Variants in ZNF207 observed in about 807,000 individuals in gnomAD.
The protein encoded by ZNF207 is zinc finger protein 207.
Under a neutral mutation model 60.2 loss-of-function variants are expected in ZNF207, and 24 were observed. The observed-to-expected ratio is 0.40, with a 90% CI of 0.29 to 0.56. ZNF207 has a LOEUF of 0.56. Among genes scored for constraint, ZNF207 ranks in the 20% least tolerant of loss-of-function variants. The probability of loss-of-function intolerance (pLI) is 0.49; values close to 1 mark genes in which losing one functional copy is unlikely to be tolerated. For synonymous variants in ZNF207, 236 were observed against 194.7 expected (o/e 1.21, Z -1.77); for missense variants, 452 against 636.6 (o/e 0.71, Z 3.12).
intron 1 of ZNF207, chr17:32,350,992 T>C (rs1476573203): frequency 6.6e-6 from 1 of 152,634 alleles, no homozygotes; most frequent in Non-Finnish European, 1.5e-5. Context: ...TTAGGAAAAC[T>C]CTTACTACAG....
chr17:32,362,429 C>G (rs1904941903), intron 6 of ZNF207, among the ~76,000 whole-genome samples: 1 of 152,166 alleles, frequency 6.6e-6, no homozygotes, highest in South Asian at 2.1e-4. Flanking sequence ...CTCAAAACTT[C>G]TGGGATTATA....
chr17:32,366,422 A>G (rs1055375311), intron 8 of ZNF207, among the ~76,000 whole-genome samples: 15 of 149,920 alleles, frequency 1.0e-4, no homozygotes, highest in African/African-American at 3.3e-4. Context: ...AATGCAAAAC[A>G]GTAGTTTTAG....
At chr17:32,369,208 A>G (rs924252736) in intron 10 of ZNF207, 87 bp from the exon 11 acceptor site, 1 of 1,479,584 alleles carries the variant, frequency 6.8e-7, no homozygotes, top group Non-Finnish European at 9.2e-7. Context: ...AATTACTCTT[A>G]ACGTTGTAAG....
intron 7 of ZNF207, among the ~76,000 whole-genome samples, chr17:32,364,443 C>T (rs1052387345): frequency 6.6e-6 from 1 of 151,004 alleles, no homozygotes; most frequent in Non-Finnish European, 1.5e-5. Context: ...CCACAACATC[C>T]GCCTCCTGGG....
intron 6 of ZNF207, among the ~76,000 whole-genome samples, chr17:32,362,384 A>G (rs749992735): frequency 3.3e-5 from 5 of 151,754 alleles, no homozygotes; most frequent in Non-Finnish European, 7.4e-5. Context: ...CCTGGTTTGA[A>G]CTCCTGAGTT....
Position 32,369,684 on chromosome 17 carries a change from C to T in ZNF207, c.1410C>T (p.Pro470=). 6.3e-7 allele frequency: 1 copy of T among 1,598,568 alleles called. No homozygotes were observed. Among genetic ancestry groups the T allele is most frequent in the Non-Finnish European group, 8.5e-7 (1 of 1,173,244 alleles). Residue 470 remains proline (P), a synonymous_variant, in exon 12 of 12, where the codon CCC becomes CCT. Transcript: ENST00000394670. ...PPYGQGPPMV[P]PYQGGPPRPP... is the part of the protein sequence containing the mutation. ...ATGGGCAGGGACCGCCAATGGTGCC[C>T]CCTTACCAGGGTGGGCCTCCTCGAC... is the stretch of plus-strand genomic sequence containing the variant.
chr17:32,375,505 A>G lies in ZNF207; in HGVS notation c.*5746A>G, dbSNP rs1307038776. 3.3e-5 allele frequency: 5 copies of G among 151,648 alleles called. No homozygotes were observed. The highest frequency in any genetic ancestry group is 1.3e-4 in the Admixed American group (2 of 15,258). The allele number at this position is 151,648 out of a possible 1,614,324, so 9.4% of individuals were successfully genotyped here. On this transcript the variant is annotated 3_prime_UTR_variant, in exon 12 of 12. Transcript: ENST00000394670. ...AAGGTAATATCTATAGATAACTAAG[A>G]TAGTTCCTTTTTTTTTGTAGTTCTG...
At position 32,350,395 on chromosome 17, in the gene ZNF207, C is replaced by T. The variant is rs1597746863; in HGVS notation, c.41+69C>T. On this transcript the variant is annotated intron_variant, in intron 1 of 11. Coordinates refer to ENST00000394670, the MANE Select transcript of ZNF207 (RefSeq NM_001098507.2). ...GTTGTTGGGGCCTGGGACTAGGAGG[C>T]CTGGATTTGGCTTACGGCGTGGAGC... The T allele has an allele frequency of 1.7e-5, 27 of 1,602,108 alleles. No individual in the cohort carries two copies. In the Middle Eastern group the frequency reaches 5.7e-4, roughly 34 times the overall value.
At chr17:32,365,620 T>C (rs1905124984) in intron 8 of ZNF207, 133 bp downstream of exon 8, 1 of 814,376 alleles carries the variant, frequency 1.2e-6, no homozygotes, top group Admixed American at 4.2e-5. Context: ...TTAAATATAC[T>C]AAAAGGTGGC....
chr17:32,367,931 G>T lies in ZNF207; in HGVS notation c.1081G>T (p.Ala361Ser). The T allele has an allele frequency of 6.2e-7, 1 of 1,614,126 alleles. No homozygotes were observed. The highest frequency in any genetic ancestry group is 1.1e-5 in the South Asian group (1 of 91,076). Reference protein sequence around the residue: ...TTNSTAAKPAASITSKPATLT... With the variant: ...TTNSTAAKPASSITSKPATLT... The stretch of plus-strand genomic sequence containing the variant: ...AAATAGTACTGCAGCTAAACCAGCG[G>T]CTTCAATAACAAGTAAGCCTGCTAC... The change falls in exon 10 of 12, where the codon GCT becomes TCT. Residue 361 changes from alanine to serine, a missense_variant. This residue lies in a region of ZNF207 where 390 missense variants were observed against 461.4 expected (regional missense o/e 0.85). Transcript: ENST00000394670.
At position 32,361,414 on chromosome 17, in the gene ZNF207, C is replaced by T. The variant is rs1026900468; in HGVS notation, c.552-54C>T. 4 of 1,483,290 alleles carry T rather than the reference C, an allele frequency of 2.7e-6. No individual in the cohort carries two copies. The African/African-American group carries it at 4.2e-5, about 15-fold the overall frequency. 91.9% of individuals were successfully genotyped at this position (1,483,290 alleles called of 1,614,324 possible). A position where few individuals can be genotyped will look rare whatever the true frequency, so the allele number is the denominator to read the frequency against. On this transcript the variant is annotated intron_variant, in intron 5 of 11. Coordinates refer to ENST00000394670, the MANE Select transcript of ZNF207 (RefSeq NM_001098507.2). ...GTGAGAGGTATACAATACACTTTCC[C>T]ACTGTATTTTGAAAATCACAGTTAG...
intron 4 of ZNF207, 28 bp from the exon 5 acceptor site, chr17:32,360,864 T>C (rs1481315435): frequency 1.9e-6 from 3 of 1,613,574 alleles, no homozygotes; most frequent in East Asian, 2.2e-5. Context: ...ATATTTGTTA[T>C]TATTTTGATT....
At position 32,358,491 on chromosome 17, in the gene ZNF207, T is replaced by A; in HGVS notation, c.169-12T>A. On this transcript the variant is annotated splice_polypyrimidine_tract_variant and intron_variant, in intron 2 of 11. Transcript: ENST00000394670. ...AAAAAGACTTTTATCTAATGGAAAT[T>A]GTTGTTGTTAGGTACATAAAGAAAC... 1.3e-6 allele frequency: 2 copies of A among 1,535,206 alleles called. No homozygotes were observed. Among genetic ancestry groups the A allele is most frequent in the South Asian group, 2.7e-5 (2 of 75,234 alleles).
chr17:32,354,553 A>G (rs1226222553), intron 2 of ZNF207, among the ~76,000 whole-genome samples: 7 of 148,352 alleles, frequency 4.7e-5, no homozygotes, highest in Non-Finnish European at 1.0e-4. Flanking sequence ...AAGTGATCCC[A>G]TCTACTTTGG....
At position 32,374,818 on chromosome 17, in the gene ZNF207, C is replaced by T. The variant is rs1905621538; in HGVS notation, c.*5059C>T. On this transcript the variant is annotated 3_prime_UTR_variant, in exon 12 of 12. Coordinates refer to ENST00000394670, the MANE Select transcript of ZNF207 (RefSeq NM_001098507.2). ...TGATCCTGTGGTAAAGTATGTTAAA[C>T]TATGGTTTTGGAGTGATTATTTTGA... 6.6e-6 allele frequency: 1 copy of T among 152,164 alleles called. No individual in the cohort carries two copies. Among genetic ancestry groups the T allele is most frequent in the Non-Finnish European group, 1.5e-5 (1 of 68,024 alleles). 9.4% of individuals were successfully genotyped at this position (152,164 alleles called of 1,614,324 possible).
intron 2 of ZNF207, among the ~76,000 whole-genome samples, chr17:32,356,653 A>G (rs9906802): frequency 0.17 from 25,899 of 152,144 alleles, 2,662 homozygotes; most frequent in African/African-American, 0.28. Context: ...TCATTAGCCT[A>G]AATGAGTGCT....
chr17:32,352,771 C>T (rs753203831), intron 2 of ZNF207, among the ~76,000 whole-genome samples: 16 of 152,256 alleles, frequency 1.1e-4, no homozygotes, highest in Non-Finnish European at 2.1e-4. Context: ...TTATGGCTCA[C>T]TGCAGCCTCA....
rs1905636676 is a variant in ZNF207 at position 32,375,233 on chromosome 17, A to G, written c.*5474A>G. ...ACTAATAGGATTTTAATATTTAAAG[A>G]ATTTTGTTGCTTCCATGACAAAATA... On this transcript the variant is annotated 3_prime_UTR_variant, in exon 12 of 12. Coordinates refer to ENST00000394670, the MANE Select transcript of ZNF207 (RefSeq NM_001098507.2). 1 of 152,184 alleles carries G rather than the reference A, an allele frequency of 6.6e-6. No homozygotes were observed. The highest frequency in any genetic ancestry group is 2.4e-5 in the African/African-American group (1 of 41,456). 9.4% of individuals were successfully genotyped at this position (152,184 alleles called of 1,614,324 possible).
rs1458900054 is a variant in ZNF207, at chr17:32,379,527, C to G, written c.*9768C>G. ...TTAAACATTTTTTTTAGTTGGCAGC[C>G]AAAAGATTTTTCTTAGTGCTTTGGA... On this transcript the variant is annotated 3_prime_UTR_variant, in exon 12 of 12. Coordinates refer to ENST00000394670, the MANE Select transcript of ZNF207 (RefSeq NM_001098507.2). The G allele has an allele frequency of 6.6e-6, 1 of 151,794 alleles. No homozygotes were observed. Among genetic ancestry groups the G allele is most frequent in the African/African-American group, 2.4e-5 (1 of 41,328 alleles). 9.4% of individuals were successfully genotyped at this position (151,794 alleles called of 1,614,324 possible).
Sources: allele counts gnomAD v4.1 joint callset (sites outside exome capture counted in the v4.1 genomes callset), GRCh38; gene constraint gnomAD v4.1.1; regional missense constraint gnomAD v4.1.1; transcripts MANE v1.5; gene names NCBI Gene and HGNC (gene_info 2026-07-23, HGNC 2026-07-21).